Variants in SPOCK1 observed in about 807,000 individuals in gnomAD.
SPOCK1 encodes testican-1.
In SPOCK1, 23 loss-of-function variants were observed where a neutral mutation model predicts 55.3. The observed-to-expected ratio is 0.42, with a 90% CI of 0.30 to 0.59. The LOEUF is 0.59. Ranked by LOEUF, SPOCK1 falls within the 20% of genes least tolerant of loss-of-function variation. The probability of loss-of-function intolerance (pLI) is 0.22; values close to 1 mark genes in which losing one functional copy is unlikely to be tolerated. For synonymous variants in SPOCK1, 226 were observed against 221.0 expected (o/e 1.02, Z -0.20); for missense variants, 499 against 552.5 (o/e 0.90, Z 0.97).
chr5:137,395,335 G>A lies in SPOCK1; in HGVS notation c.186+103038C>T, dbSNP rs1375380943. Among the ~76,000 whole-genome samples, 6 of 152,182 alleles carry A rather than the reference G, an allele frequency of 3.9e-5. No individual in the cohort carries two copies. In the East Asian group the frequency reaches 9.6e-4, roughly 24 times the overall value. On this transcript the variant is annotated intron_variant, in intron 2 of 10. Coordinates refer to ENST00000394945, the MANE Select transcript of SPOCK1 (RefSeq NM_004598.4). ...CTTTAAAATGATTTATCAGCCATAC[G>A]AACACAAGCCATCCCACCTGATCTT...
chr5:137,413,067 T>C (rs1285592434), intron 2 of SPOCK1, among the ~76,000 whole-genome samples: 1 of 152,198 alleles, frequency 6.6e-6, no homozygotes, highest in Non-Finnish European at 1.5e-5. Flanking sequence ...GGAGGTGCTG[T>C]ATCAAAAACT....
intron 3 of SPOCK1, among the ~76,000 whole-genome samples, chr5:137,209,182 T>A (rs1561472221): frequency 6.6e-6 from 1 of 152,358 alleles, no homozygotes; most frequent in Admixed American, 6.5e-5. Context: ...CTCTTGAATG[T>A]GGCAGCAACA....
At chr5:137,087,253 T>G (rs1299042846) in intron 5 of SPOCK1, among the ~76,000 whole-genome samples, 1 of 152,128 alleles carries the variant, frequency 6.6e-6, no homozygotes, top group Admixed American at 6.5e-5. Flanking sequence ...GAAAGCCACA[T>G]GTGCAGCTGC....
chr5:137,023,480 A>G (rs1310117046), intron 6 of SPOCK1, among the ~76,000 whole-genome samples: 3 of 152,164 alleles, frequency 2.0e-5, no homozygotes, highest in African/African-American at 7.2e-5. Flanking sequence ...ACAGATTTGA[A>G]GGCAGGGTGT....
At chr5:137,373,076 C>A (rs1363747088) in intron 2 of SPOCK1, among the ~76,000 whole-genome samples, 2 of 152,162 alleles carry the variant, frequency 1.3e-5, no homozygotes, top group Non-Finnish European at 2.9e-5. Flanking sequence ...GATGATGCAG[C>A]AGGAAGTCCC....
At chr5:137,480,534 T>C (rs1753929249) in intron 2 of SPOCK1, among the ~76,000 whole-genome samples, 1 of 152,122 alleles carries the variant, frequency 6.6e-6, no homozygotes, top group Admixed American at 6.5e-5. Context: ...GATTAGGATG[T>C]CTGAAAATAA....
intron 2 of SPOCK1, among the ~76,000 whole-genome samples, chr5:137,492,879 G>C (rs1754218057): frequency 6.6e-6 from 1 of 152,200 alleles, no homozygotes; most frequent in South Asian, 2.1e-4. Flanking sequence ...TCTACACAGT[G>C]TAGCCCTTTG....
chr5:137,089,773 A>G (rs1388954830), intron 5 of SPOCK1, among the ~76,000 whole-genome samples: 1 of 152,252 alleles, frequency 6.6e-6, no homozygotes, highest in African/African-American at 2.4e-5. Flanking sequence ...ACAAAATTGG[A>G]AATGTATTCT....
intron 2 of SPOCK1, among the ~76,000 whole-genome samples, chr5:137,330,139 T>G (rs1445170203): frequency 1.3e-5 from 2 of 152,176 alleles, no homozygotes; most frequent in African/African-American, 4.8e-5. Context: ...AGGGATGACC[T>G]ATGGGCCCAA....
At chr5:137,304,501 A>T (rs1757667102) in intron 2 of SPOCK1, among the ~76,000 whole-genome samples, 1 of 152,190 alleles carries the variant, frequency 6.6e-6, no homozygotes. Flanking sequence ...GCGGGGGGAC[A>T]GGAACTGCAG....
At chr5:137,330,225 C>G (rs1675392099) in intron 2 of SPOCK1, among the ~76,000 whole-genome samples, 1 of 152,120 alleles carries the variant, frequency 6.6e-6, no homozygotes, top group South Asian at 2.1e-4. Context: ...GAATCAGAGA[C>G]CCCCCAGACA....
chr5:137,235,996 G>A (rs748823106), intron 3 of SPOCK1, among the ~76,000 whole-genome samples: 5 of 152,244 alleles, frequency 3.3e-5, no homozygotes, highest in Non-Finnish European at 7.3e-5. Flanking sequence ...GGCAGGGAGA[G>A]CCTCCACTCT....
chr5:137,359,594 G>A (rs1750896418), intron 2 of SPOCK1, among the ~76,000 whole-genome samples: 1 of 152,198 alleles, frequency 6.6e-6, no homozygotes. Context: ...ATTTTACAAA[G>A]GTAAAGAAAT....
At chr5:137,394,457 T>G (rs780523201) in intron 2 of SPOCK1, among the ~76,000 whole-genome samples, 3 of 152,248 alleles carry the variant, frequency 2.0e-5, no homozygotes, top group African/African-American at 4.8e-5. Flanking sequence ...GACAGCATTA[T>G]AATTCATCAC....
chr5:137,025,682 A>T (rs1458708078), intron 6 of SPOCK1, among the ~76,000 whole-genome samples: 1 of 152,200 alleles, frequency 6.6e-6, no homozygotes, highest in African/African-American at 2.4e-5. Context: ...AAAGCAAAAC[A>T]AAACAAGGAA....
chr5:137,143,245 C>G (rs773858906), intron 3 of SPOCK1, among the ~76,000 whole-genome samples: 1 of 152,128 alleles, frequency 6.6e-6, no homozygotes, highest in Non-Finnish European at 1.5e-5. Flanking sequence ...ACAGGTTGGC[C>G]TAGGGTGATG....
At chr5:137,453,744 T>C (rs1300007435) in intron 2 of SPOCK1, among the ~76,000 whole-genome samples, 2 of 152,144 alleles carry the variant, frequency 1.3e-5, no homozygotes, top group Admixed American at 6.6e-5. Context: ...TATGCCACAA[T>C]AGTGATGCAA....
chr5:137,312,490 G>A (rs1041463352), intron 2 of SPOCK1, among the ~76,000 whole-genome samples: 2 of 152,204 alleles, frequency 1.3e-5, no homozygotes, highest in Admixed American at 6.5e-5. Context: ...ACACTGGTGA[G>A]GAAGGACCAG....
At chr5:137,011,591 T>C (rs72792574) in intron 6 of SPOCK1, among the ~76,000 whole-genome samples, 5,557 of 152,302 alleles carry the variant, frequency 0.036, 111 homozygotes, top group Non-Finnish European at 0.047. Flanking sequence ...TGAAATTTAT[T>C]ACATACCTTT....
Sources: gnomAD v4.1 joint callset for allele counts (sites outside exome capture counted in the v4.1 genomes callset) on GRCh38, gnomAD v4.1.1 for gene constraint, MANE v1.5 for transcripts, NCBI Gene and HGNC (gene_info 2026-07-23, HGNC 2026-07-21) for gene names.